ASXL1: variants seen among roughly 807,000 people sequenced by gnomAD.
ASXL1 encodes the protein polycomb group protein ASXL1.
Under a neutral mutation model 89.1 loss-of-function variants are expected in ASXL1, and 65 were observed. That is an observed-to-expected ratio of 0.73 (90% CI 0.60 to 0.90). The LOEUF (loss-of-function observed/expected upper bound fraction) is 0.90, where lower values mean the gene tolerates loss of function less well. ASXL1 is among the 40% of genes least tolerant of loss of function. The pLI, the probability that ASXL1 is intolerant of heterozygous loss-of-function variation, is 0.00. For missense variants in ASXL1, 1,786 were observed against 1,942.9 expected (o/e 0.92, Z 1.52); for synonymous variants, 739 against 746.9 (o/e 0.99, Z 0.17).
chr20:32,398,020 A>T (rs1193630891), intron 4 of ASXL1, among the ~76,000 whole-genome samples: 1 of 152,222 alleles, frequency 6.6e-6, no homozygotes, highest in East Asian at 1.9e-4. Flanking sequence ...ATTTACGTAT[A>T]GATCGGTTCG....
intron 4 of ASXL1, among the ~76,000 whole-genome samples, chr20:32,391,439 A>G (rs1344124566): frequency 2.0e-5 from 3 of 152,206 alleles, no homozygotes; most frequent in Non-Finnish European, 4.4e-5. Flanking sequence ...TTAAAGAAAT[A>G]GCTAAGCTGT....
chr20:32,433,310 T>G lies in ASXL1; in HGVS notation c.1112T>G (p.Leu371Trp). The part of the protein sequence containing the change: ...QKLGLTKEES[L>W]QQNVGQEEAE... ...CTGGGTTTGACCAAAGAAGAGTCATTGCAGCAGAACGTGGGCCAGGAGGAG... is the reference window on the plus strand; with the variant it reads ...CTGGGTTTGACCAAAGAAGAGTCATGGCAGCAGAACGTGGGCCAGGAGGAG... The change falls in exon 12 of 13, where the codon TTG becomes TGG. Residue 371 changes from leucine (L) to tryptophan (W), a missense_variant. Transcript: ENST00000375687. 6.2e-7 allele frequency: 1 copy of G among 1,614,180 alleles called. No individual in the cohort carries two copies. The highest frequency in any genetic ancestry group is 1.1e-5 in the South Asian group (1 of 91,082).
In ASXL1 at chr20:32,358,569, G is replaced by GCCGCCGCCGCCCCTCCCCCA. The variant is rs1555899090; in HGVS notation, c.-199_-180dup. 3 of 201,568 alleles carry GCCGCCGCCGCCCCTCCCCCA rather than the reference G, an allele frequency of 1.5e-5. No homozygotes were observed. In the East Asian group the frequency reaches 2.2e-4, roughly 15 times the overall value. The allele number at this position is 201,568 out of a possible 1,614,324, so 12.5% of individuals were successfully genotyped here. A position where few individuals can be genotyped will look rare whatever the true frequency, so the allele number is the denominator to read the frequency against. ...GACTGACGCAGCGCGGGCGCGTGGAGCCGCCGCCGCCCCTCCCCCACCGCC... is the reference window on the plus strand; with the variant it reads ...GACTGACGCAGCGCGGGCGCGTGGAGCCGCCGCCGCCCCTCCCCCACCGCCGCCGCCCCTCCCCCACCGCC... On this transcript the variant is annotated 5_prime_UTR_variant, in exon 1 of 13. Coordinates refer to ENST00000375687, the MANE Select transcript of ASXL1 (RefSeq NM_015338.6).
intron 4 of ASXL1, among the ~76,000 whole-genome samples, chr20:32,425,200 A>AT (rs1233143856): frequency 1.3e-5 from 2 of 152,120 alleles, no homozygotes; most frequent in Non-Finnish European, 2.9e-5. Context: ...TAGTTCATTC[A>AT]TTTTTTGTTG....
intron 4 of ASXL1, among the ~76,000 whole-genome samples, chr20:32,405,994 A>G (rs1569290321): frequency 1.3e-5 from 2 of 152,104 alleles, no homozygotes; most frequent in African/African-American, 4.8e-5. Flanking sequence ...TAATATATAC[A>G]GTCATAGTTA....
intron 4 of ASXL1, among the ~76,000 whole-genome samples, chr20:32,420,368 C>CT (rs955516568): frequency 2.2e-4 from 33 of 152,068 alleles, no homozygotes; most frequent in African/African-American, 8.0e-4. Context: ...GCAGTTTAAA[C>CT]TTTATCAATT....
chr20:32,398,603 G>T (rs368015955), intron 4 of ASXL1, among the ~76,000 whole-genome samples: 35 of 126,416 alleles, frequency 2.8e-4, no homozygotes, highest in Admixed American at 5.9e-4. Context: ...TTTTTTGTTT[G>T]TTTTTTTTTT....
chr20:32,431,003 C>G (rs776653281), intron 8 of ASXL1: 87 of 548,116 alleles, frequency 1.6e-4, no homozygotes, highest in Admixed American at 1.1e-3. Flanking sequence ...TTTGTGGAGC[C>G]TGTTCTCCAG....
chr20:32,377,638 A>G (rs1197854529), intron 4 of ASXL1, among the ~76,000 whole-genome samples: 3 of 152,110 alleles, frequency 2.0e-5, no homozygotes, highest in Non-Finnish European at 1.5e-5. Context: ...TCTTATATGC[A>G]TGAAACAAAG....
At chr20:32,404,685 GTGCT>G (rs2123072017) in intron 4 of ASXL1, among the ~76,000 whole-genome samples, 1 of 152,206 alleles carries the variant, frequency 6.6e-6, no homozygotes, top group African/African-American at 2.4e-5. Context: ...TCGAATATGA[GTGCT>G]TAGTGTGGAC....
intron 4 of ASXL1, among the ~76,000 whole-genome samples, chr20:32,374,113 A>G (rs1484831782): frequency 6.6e-6 from 1 of 152,106 alleles, no homozygotes; most frequent in Non-Finnish European, 1.5e-5. Flanking sequence ...CCTGGGCTCA[A>G]GCAATCCTTC....
chr20:32,423,771 A>C (rs1393227227), intron 4 of ASXL1, among the ~76,000 whole-genome samples: 1 of 152,050 alleles, frequency 6.6e-6, no homozygotes, highest in Non-Finnish European at 1.5e-5. Flanking sequence ...CTGGTCTCGA[A>C]CTCTGGACCT....
chr20:32,414,688 G>A (rs2049107736), intron 4 of ASXL1, among the ~76,000 whole-genome samples: 1 of 152,098 alleles, frequency 6.6e-6, no homozygotes, highest in African/African-American at 2.4e-5. Context: ...ATAGCTGGTG[G>A]TTCTTGATAG....
rs745344384 is a variant in ASXL1, at chr20:32,436,902, G to C, written c.4190G>C (p.Gly1397Ala). The C allele has an allele frequency of 1.2e-6, 2 of 1,614,100 alleles. No individual in the cohort carries two copies. Among genetic ancestry groups the C allele is most frequent in the Admixed American group, 3.3e-5 (2 of 60,012 alleles). ...ATGHSPLELV[G>A]HLEGMPFVMD... Reference sequence around the variant, plus strand: ...GGGCATAGTCCCCTGGAACTGGTGGGTCACTTGGAAGGGATGCCCTTTGTC... The same window carrying C: ...GGGCATAGTCCCCTGGAACTGGTGGCTCACTTGGAAGGGATGCCCTTTGTC... The change falls in exon 13 of 13, where the codon GGT becomes GCT. Residue 1397 changes from glycine (G) to alanine (A), a missense_variant. Around this residue, in one of 3 missense-constraint regions of ASXL1, gnomAD observed 1,418 missense variants for 1,427.8 expected, o/e 0.99. Coordinates refer to ENST00000375687, the MANE Select transcript of ASXL1 (RefSeq NM_015338.6).
intron 4 of ASXL1, among the ~76,000 whole-genome samples, chr20:32,397,681 G>A (rs1161085674): frequency 1.3e-5 from 2 of 151,086 alleles, no homozygotes; most frequent in South Asian, 2.1e-4. Flanking sequence ...TTGCAGGCGT[G>A]AGCCACCATG....
chr20:32,366,932 T>C (rs1478132654), intron 2 of ASXL1, among the ~76,000 whole-genome samples: 1 of 152,192 alleles, frequency 6.6e-6, no homozygotes, highest in African/African-American at 2.4e-5. Context: ...ATGATGTGAA[T>C]TTACTAAATT....
In ASXL1 at chr20:32,435,595, T is replaced by C. The variant is rs373960135; in HGVS notation, c.2883T>C (p.Thr961=). 1.9e-6 allele frequency: 3 copies of C among 1,614,162 alleles called. No individual in the cohort carries two copies. In the African/African-American group the frequency reaches 4.0e-5, roughly 22 times the overall value. ...TTGACAGCCTTACTTCACTCTGGAC[T>C]GTGCCATCTCGAGGAGGCAGTGACA... ...DPLDSLTSLW[T]VPSRGGSDSN... is the part of the protein sequence containing the mutation. Residue 961 remains threonine (T), a synonymous_variant, in exon 13 of 13, where the codon ACT becomes ACC. Transcript: ENST00000375687.
At chr20:32,422,614 T>C (rs1042329032) in intron 4 of ASXL1, among the ~76,000 whole-genome samples, 4 of 142,210 alleles carry the variant, frequency 2.8e-5, no homozygotes, top group African/African-American at 1.1e-4. Flanking sequence ...AAAGACAGAG[T>C]CTTGCACTGT....
chr20:32,362,256 T>A (rs1365216068), intron 1 of ASXL1, among the ~76,000 whole-genome samples: 1 of 152,178 alleles, frequency 6.6e-6, no homozygotes. Context: ...CAATGGCAAT[T>A]GTATGCACTT....
Sources: allele counts gnomAD v4.1 joint callset (sites outside exome capture counted in the v4.1 genomes callset), GRCh38; gene constraint gnomAD v4.1.1; regional missense constraint gnomAD v4.1.1; transcripts MANE v1.5; gene names NCBI Gene and HGNC (gene_info 2026-07-23, HGNC 2026-07-21).